ITPR3: variants seen among roughly 807,000 people sequenced by gnomAD.
ITPR3 encodes inositol 1,4,5-trisphosphate receptor type 3.
A neutral mutation model predicts 293.2 loss-of-function variants in ITPR3; 173 were observed. The observed-to-expected ratio is 0.59, with a 90% CI of 0.52 to 0.67. The LOEUF is 0.67. ITPR3 is among the 30% of genes least tolerant of loss of function. The pLI is 0.00. For synonymous variants in ITPR3, 1,295 were observed against 1,444.4 expected (o/e 0.90, Z 2.35); for missense variants, 2,796 against 3,592.1 (o/e 0.78, Z 5.66).
In ITPR3 at chr6:33,679,827, A is replaced by AG; in HGVS notation, c.3973-54dup. The AG allele has an allele frequency of 6.4e-7, 1 of 1,562,428 alleles. No homozygotes were observed. Among genetic ancestry groups the AG allele is most frequent in the Non-Finnish European group, 8.7e-7 (1 of 1,150,484 alleles). The stretch of plus-strand genomic sequence containing the variant: ...CTCCCTGGTAAGCAACGGAGAGGAG[A>AG]GCCCAGGGCTTGCTGGACCGAGAGA... On this transcript the variant is annotated intron_variant, in intron 30 of 57. Coordinates refer to ENST00000605930, the MANE Select transcript of ITPR3 (RefSeq NM_002224.4). This position sits in a 1 kb window ranked among gnomAD's most constrained non-coding sequence, Gnocchi z 4.2.
chr6:33,641,600 A>G (rs568537237), intron 2 of ITPR3, among the ~76,000 whole-genome samples: 150 of 151,856 alleles, frequency 9.9e-4, no homozygotes, highest in African/African-American at 3.3e-3. Flanking sequence ...CTGGCCCTGG[A>G]CGAACCGCAC....
chr6:33,646,385 A>C (rs1764068102), intron 2 of ITPR3, among the ~76,000 whole-genome samples: 1 of 98,442 alleles, frequency 1.0e-5, no homozygotes, highest in African/African-American at 4.0e-5. Flanking sequence ...CCCCTCCACC[A>C]CTGCCTCTTT....
In ITPR3 at chr6:33,667,337, C is replaced by A; in HGVS notation, c.1713+47C>A. Reference sequence around the variant, plus strand: ...CCACTCGCTGGCTGCACGTTCCTTCCTCAGCAAGCGATTTCCTCAGGCACA... The same window carrying A: ...CCACTCGCTGGCTGCACGTTCCTTCATCAGCAAGCGATTTCCTCAGGCACA... On this transcript the variant is annotated intron_variant, in intron 15 of 57. Transcript: ENST00000605930. The surrounding 1 kb of genome is among the most constrained non-coding windows in gnomAD (Gnocchi z 4.4). The A allele has an allele frequency of 5.1e-6, 8 of 1,581,102 alleles. No homozygotes were observed. In the South Asian group the frequency reaches 9.2e-5, roughly 18 times the overall value.
At chr6:33,646,898 CAT>C (rs1286341551) in intron 2 of ITPR3, among the ~76,000 whole-genome samples, 5 of 151,878 alleles carry the variant, frequency 3.3e-5, no homozygotes, top group Admixed American at 1.3e-4. Flanking sequence ...ACCTGGGCGA[CAT>C]AGTGAGATCC....
In ITPR3 at chr6:33,679,806, CTGG is replaced by C; in HGVS notation, c.3973-74_3973-72del. 6.6e-7 allele frequency: 1 copy of C among 1,523,080 alleles called. No homozygotes were observed. Among genetic ancestry groups the C allele is most frequent in the Non-Finnish European group, 8.9e-7 (1 of 1,128,490 alleles). 94.3% of individuals were successfully genotyped at this position (1,523,080 alleles called of 1,614,324 possible). On this transcript the variant is annotated intron_variant, in intron 30 of 57. Coordinates refer to ENST00000605930, the MANE Select transcript of ITPR3 (RefSeq NM_002224.4). This position sits in a 1 kb window ranked among gnomAD's most constrained non-coding sequence, Gnocchi z 4.2. ...CTGTGGTCAGAGTCCCAGTTTCTCCCTGGTAAGCAACGGAGAGGAGAGCCCAGG... is the reference window on the plus strand; with the variant it reads ...CTGTGGTCAGAGTCCCAGTTTCTCCCTAAGCAACGGAGAGGAGAGCCCAGG...
At position 33,662,386 on chromosome 6, in the gene ITPR3, A is replaced by C. The variant is rs566980334; in HGVS notation, c.712-142A>C. 149 of 959,434 alleles carry C rather than the reference A, an allele frequency of 1.6e-4. No individual in the cohort carries two copies. The East Asian group carries it at 3.9e-3, about 25-fold the overall frequency. 59.4% of individuals were successfully genotyped at this position (959,434 alleles called of 1,614,324 possible). On this transcript the variant is annotated intron_variant, in intron 7 of 57. Coordinates refer to ENST00000605930, the MANE Select transcript of ITPR3 (RefSeq NM_002224.4). ...CTGTTCTCTAGGGGGCTCAGCTTGC[A>C]TCCCCCTCTCTGTGTGCTGGCTCTG... is the stretch of plus-strand genomic sequence containing the variant.
At position 33,691,195 on chromosome 6, in the gene ITPR3, C is replaced by T. The variant is rs908495938; in HGVS notation, c.7225+86C>T. 5.2e-5 allele frequency: 68 copies of T among 1,316,102 alleles called. No homozygotes were observed. Among genetic ancestry groups the T allele is most frequent in the South Asian group, 2.8e-4 (22 of 77,364 alleles). The allele number at this position is 1,316,102 out of a possible 1,614,324, so 81.5% of individuals were successfully genotyped here. Reference sequence around the variant, plus strand: ...CTGGCGTCAGGACCAGGACCTGCAGCGCTTACCTCACCAGGCTCCCGTCTG... The same window carrying T: ...CTGGCGTCAGGACCAGGACCTGCAGTGCTTACCTCACCAGGCTCCCGTCTG... On this transcript the variant is annotated intron_variant, in intron 52 of 57. Transcript: ENST00000605930. The surrounding 1 kb of genome is among the most constrained non-coding windows in gnomAD (Gnocchi z 4.9).
chr6:33,673,246 C>A (rs886637551), intron 22 of ITPR3, among the ~76,000 whole-genome samples: 1 of 152,114 alleles, frequency 6.6e-6, no homozygotes, highest in African/African-American at 2.4e-5. Flanking sequence ...GTTTTTGGAC[C>A]TGGGGGCTTC....
intron 2 of ITPR3, among the ~76,000 whole-genome samples, chr6:33,653,109 A>G (rs1040865430): frequency 1.3e-5 from 2 of 151,798 alleles, no homozygotes; most frequent in East Asian, 3.9e-4. Context: ...ATGTCTCGCT[A>G]TGTTGCCAAG....
chr6:33,657,019 C>T (rs1231400950), intron 3 of ITPR3, among the ~76,000 whole-genome samples: 1 of 152,206 alleles, frequency 6.6e-6, no homozygotes, highest in Non-Finnish European at 1.5e-5. Flanking sequence ...GGGGATCTGG[C>T]CTGGGGGGAG....
chr6:33,639,357 C>T (rs1460295835), intron 1 of ITPR3, among the ~76,000 whole-genome samples: 1 of 137,398 alleles, frequency 7.3e-6, no homozygotes, highest in African/African-American at 2.9e-5. Context: ...CCAGTCTGGT[C>T]GACAGAGTGA....
At chr6:33,673,770 A>T (rs942310073) in intron 23 of ITPR3, 50 bp downstream of exon 23, 6 of 1,603,278 alleles carry the variant, frequency 3.7e-6, no homozygotes, top group Non-Finnish European at 4.3e-6. Context: ...TCTCCCAGGG[A>T]TACACAGCAG....
At chr6:33,636,123 C>CAAAAAAAAAAA (rs59543122) in intron 1 of ITPR3, among the ~76,000 whole-genome samples, 1 of 83,312 alleles carries the variant, frequency 1.2e-5, no homozygotes, top group Non-Finnish European at 2.1e-5. Context: ...GCTGTCTCTA[C>CAAAAAAAAAAA]AAAAAAAAAA....
intron 39 of ITPR3, 59 bp downstream of exon 39, chr6:33,685,002 G>T: frequency 6.4e-7 from 1 of 1,551,212 alleles, no homozygotes; most frequent in South Asian, 1.2e-5. Context: ...TTTTGGAGGA[G>T]GTGGGCCTTG....
At chr6:33,693,731 T>A in intron 56 of ITPR3, 26 bp downstream of exon 56, 1 of 1,610,590 alleles carries the variant, frequency 6.2e-7, no homozygotes, top group East Asian at 2.2e-5. Context: ...GTGCCAGGCC[T>A]GTGGGCCCAA....
chr6:33,628,382 G>C (rs572571780), intron 1 of ITPR3, among the ~76,000 whole-genome samples: 1 of 152,342 alleles, frequency 6.6e-6, no homozygotes, highest in South Asian at 2.1e-4. Context: ...AGCCCCCTGG[G>C]TATGTCAGGC....
chr6:33,631,499 A>G (rs1274549431), intron 1 of ITPR3, among the ~76,000 whole-genome samples: 2 of 152,206 alleles, frequency 1.3e-5, no homozygotes, highest in East Asian at 3.8e-4. Flanking sequence ...CACTTGTAAG[A>G]AAGATCGAAG....
intron 16 of ITPR3, 76 bp from the exon 17 acceptor site, chr6:33,668,439 G>A: frequency 6.3e-7 from 1 of 1,590,266 alleles, no homozygotes; most frequent in Admixed American, 1.7e-5. Flanking sequence ...AGCTGGGGAA[G>A]GGGAAGGGTG....
Position 33,692,942 on chromosome 6 carries a change from C to A in ITPR3, c.7624+49C>A. ...GGAGGCCGCAGCGGGGCTGGAACGT[C>A]ATCTGATGCCAGTGGCAGTAGCGGT... On this transcript the variant is annotated intron_variant, in intron 55 of 57. Transcript: ENST00000605930. This position sits in a 1 kb window ranked among gnomAD's most constrained non-coding sequence, Gnocchi z 4.2. 6.3e-7 allele frequency: 1 copy of A among 1,591,230 alleles called. No homozygotes were observed. Among genetic ancestry groups the A allele is most frequent in the Non-Finnish European group, 8.6e-7 (1 of 1,164,116 alleles).
Sources: allele counts gnomAD v4.1 joint callset (sites outside exome capture counted in the v4.1 genomes callset), GRCh38; gene constraint gnomAD v4.1.1; non-coding constraint Gnocchi (gnomAD v3.1); transcripts MANE v1.5; gene names NCBI Gene and HGNC (gene_info 2026-07-23, HGNC 2026-07-21).